The following KPNA7 variants were observed in gnomAD, a reference collection of about 807,000 sequenced individuals.
The protein encoded by KPNA7 is karyopherin subunit alpha 7.
A neutral mutation model predicts 53.7 loss-of-function variants in KPNA7; 54 were observed. The observed-to-expected ratio is 1.01, with a 90% confidence interval of 0.81 to 1.26. The LOEUF is 1.26. KPNA7 is among the 50% of genes most tolerant of loss of function. KPNA7 has a pLI of 0.00. For missense variants in KPNA7, 640 were observed against 644.5 expected, an observed-to-expected ratio of 0.99 and a Z score of 0.07; for synonymous variants, 276 against 259.3, an observed-to-expected ratio of 1.06 and a Z score of -0.62.
intron 10 of KPNA7, among the ~76,000 whole-genome samples, chr7:99,177,504 G>A (rs1462752122): frequency 2.7e-5 from 4 of 146,158 alleles, no homozygotes; most frequent in Non-Finnish European, 5.9e-5. Flanking sequence ...GAATCTGGAA[G>A]GCAGAAGTTG....
intron 2 of KPNA7, 111 bp from the exon 3 acceptor site, chr7:99,203,351 T>A: frequency 8.7e-7 from 1 of 1,146,406 alleles, no homozygotes; most frequent in Non-Finnish European, 1.2e-6. Context: ...TACAATAGGC[T>A]GGAAAAGTTC....
At chr7:99,148,562 G>A in the KPNA7 span, among the ~76,000 whole-genome samples, 5 of 152,228 alleles carry the variant, frequency 3.3e-5, no homozygotes, top group East Asian at 9.7e-4. Flanking sequence ...TATGAATCCT[G>A]TAAGGGCCTG....
chr7:99,216,123 GCT>G (rs1791214186), intron 1 of KPNA7, among the ~76,000 whole-genome samples: 2 of 152,050 alleles, frequency 1.3e-5, no homozygotes, highest in South Asian at 4.1e-4. Context: ...GACTTTCTGG[GCT>G]CAGATGACCT....
chr7:99,165,159 A>C, the KPNA7 span, among the ~76,000 whole-genome samples: 35 of 152,092 alleles, frequency 2.3e-4, no homozygotes, highest in East Asian at 5.6e-3. Context: ...AAAATAAAAT[A>C]AAATCTGCAG....
chr7:99,163,746 C>T, the KPNA7 span, among the ~76,000 whole-genome samples: 1 of 151,896 alleles, frequency 6.6e-6, no homozygotes, highest in African/African-American at 2.4e-5. Flanking sequence ...TGTAAAAATT[C>T]AAATGTTATA....
chr7:99,204,685 G>A (rs539287349), intron 2 of KPNA7, among the ~76,000 whole-genome samples: 10 of 151,908 alleles, frequency 6.6e-5, no homozygotes, highest in Non-Finnish European at 1.2e-4. Context: ...AGACCAGCCC[G>A]GCCAACATAG....
chr7:99,205,589 C>G (rs1293831287), intron 2 of KPNA7, among the ~76,000 whole-genome samples: 3 of 152,130 alleles, frequency 2.0e-5, no homozygotes, highest in Admixed American at 6.6e-5. Flanking sequence ...GTGGCTCATG[C>G]CAGTAATCCC....
chr7:99,148,633 C>A, the KPNA7 span, among the ~76,000 whole-genome samples: 8 of 152,158 alleles, frequency 5.3e-5, no homozygotes, highest in Non-Finnish European at 1.2e-4. Context: ...ACTCTGTCAC[C>A]CAGGCTGGAA....
At chr7:99,146,122 C>T in the KPNA7 span, among the ~76,000 whole-genome samples, 1 of 152,142 alleles carries the variant, frequency 6.6e-6, no homozygotes, top group Non-Finnish European at 1.5e-5. Flanking sequence ...TTCAAAGAGT[C>T]TCCTCTCTAA....
chr7:99,181,620 T>C (rs896545731), intron 9 of KPNA7, among the ~76,000 whole-genome samples: 4 of 152,116 alleles, frequency 2.6e-5, no homozygotes, highest in Non-Finnish European at 5.9e-5. Context: ...CTATCTTGGC[T>C]CACTGCAACC....
chr7:99,180,677 C>G (rs1799151213), intron 9 of KPNA7, among the ~76,000 whole-genome samples: 1 of 148,178 alleles, frequency 6.7e-6, no homozygotes, highest in South Asian at 2.2e-4. Context: ...GTGTGTGTGT[C>G]TCTCTCCCCG....
At chr7:99,187,877 C>CACA (rs371587916) in intron 7 of KPNA7, among the ~76,000 whole-genome samples, 146 of 143,312 alleles carry the variant, frequency 1.0e-3, no homozygotes, top group African/African-American at 3.3e-3. Flanking sequence ...AGCTTTTGGC[C>CACA]ACAGAGTAGC....
chr7:99,188,709 G>A, intron 6 of KPNA7, 146 bp from the exon 7 acceptor site: 1 of 893,922 alleles, frequency 1.1e-6, no homozygotes, highest in Non-Finnish European at 1.7e-6. Context: ...AGACAGCCTT[G>A]CTCTGTCACC....
intron 10 of KPNA7, among the ~76,000 whole-genome samples, chr7:99,176,463 A>C (rs980201212): frequency 6.6e-6 from 1 of 152,182 alleles, no homozygotes; most frequent in African/African-American, 2.4e-5. Flanking sequence ...TGGAATCCTC[A>C]TGCATTGTTG....
Position 99,207,560 on chromosome 7 carries a change from C to T in KPNA7, c.-23-71G>A, listed in dbSNP as rs1042405594. ...GGGTTATTATGTCAGTATCATAAGG[C>T]TCTAACCCTTAAAGGGCTCACAGTG... On this transcript the variant is annotated intron_variant, in intron 1 of 10. Transcript: ENST00000327442. 2.3e-5 allele frequency: 14 copies of T among 618,520 alleles called. No individual in the cohort carries two copies. In the East Asian group the frequency reaches 6.6e-4, roughly 29 times the overall value. 38.3% of individuals were successfully genotyped at this position (618,520 alleles called of 1,614,324 possible).
At chr7:99,192,188 C>T (rs1176574809) in intron 6 of KPNA7, among the ~76,000 whole-genome samples, 1 of 152,092 alleles carries the variant, frequency 6.6e-6, no homozygotes, top group African/African-American at 2.4e-5. Flanking sequence ...TGACCATGAG[C>T]AGTAGGATAT....
At chr7:99,209,084 G>A (rs772501495), upstream of KPNA7, among the ~76,000 whole-genome samples, 9 of 152,108 alleles carry the variant, frequency 5.9e-5, no homozygotes, top group South Asian at 4.1e-4. Flanking sequence ...TCCGGGAGGC[G>A]GAGGTTGCAG....
the KPNA7 span, among the ~76,000 whole-genome samples, chr7:99,160,017 G>GTTTTTTTTTTTTTTTTTTT: frequency 8.9e-5 from 6 of 67,658 alleles, no homozygotes; most frequent in Non-Finnish European, 1.4e-4. Context: ...TGTTGTTTTT[G>GTTTTTTTTTTTTTTTTTTT]TTTTTTTTTT....
At chr7:99,161,261 C>G in the KPNA7 span, among the ~76,000 whole-genome samples, 1 of 69,828 alleles carries the variant, frequency 1.4e-5, no homozygotes, top group Admixed American at 1.5e-4. Context: ...CTCTCTCTCT[C>G]TCTCTCTCTG....
Sources: gnomAD v4.1 joint callset for allele counts (sites outside exome capture counted in the v4.1 genomes callset) on GRCh38, gnomAD v4.1.1 for gene constraint, MANE v1.5 for transcripts, NCBI Gene and HGNC (gene_info 2026-07-23, HGNC 2026-07-21) for gene names.